Variants in PARD3 observed in about 807,000 individuals in gnomAD.
The protein encoded by PARD3 is par-3 family cell polarity regulator, also known as partitioning defective 3 homolog.
A neutral mutation model predicts 155.4 loss-of-function variants in PARD3; 75 were observed. The ratio of observed to expected loss-of-function variants is 0.48; its 90% CI spans 0.40 to 0.58. PARD3 has a LOEUF of 0.58. Among genes scored for constraint, PARD3 ranks in the 20% least tolerant of loss-of-function variants. The pLI, the probability that PARD3 is intolerant of heterozygous loss-of-function variation, is 0.00. For missense variants in PARD3, 1,642 were observed against 1,721.7 expected (o/e 0.95, Z 0.82); for synonymous variants, 576 against 610.5 (o/e 0.94, Z 0.83).
chr10:34,320,009 A>G (rs918221314), intron 19 of PARD3, among the ~76,000 whole-genome samples: 10 of 152,144 alleles, frequency 6.6e-5, no homozygotes, highest in Non-Finnish European at 1.0e-4. Flanking sequence ...TATTTGTACA[A>G]TCTTTTATTA....
In PARD3 at chr10:34,337,342, C is replaced by G. The variant is rs770189263; in HGVS notation, c.2493G>C (p.Lys831Asn). The change falls in exon 17 of 25, where the codon AAG becomes AAC. Residue 831 changes from lysine (K) to asparagine (N), a missense_variant. Transcript: ENST00000374788. ...GRQSMSEKRTKQFSDASQLDF... is the reference protein window; with the variant it reads ...GRQSMSEKRTNQFSDASQLDF... ...CCAATTGACTGGCATCTGAAAATTG[C>G]TTTGTGCGTTTTTCTGACATACTCT... The G allele has an allele frequency of 6.2e-7, 1 of 1,602,212 alleles. No individual in the cohort carries two copies. Among genetic ancestry groups the G allele is most frequent in the African/African-American group, 1.3e-5 (1 of 74,222 alleles).
intron 2 of PARD3, among the ~76,000 whole-genome samples, chr10:34,567,210 C>G (rs1389803383): frequency 6.6e-6 from 1 of 152,134 alleles, no homozygotes; most frequent in Non-Finnish European, 1.5e-5. Context: ...GAAAATGATA[C>G]TGAACAAAGT....
intron 3 of PARD3, among the ~76,000 whole-genome samples, chr10:34,504,208 C>A (rs1454701086): frequency 2.0e-5 from 3 of 151,938 alleles, no homozygotes; most frequent in Non-Finnish European, 4.4e-5. Flanking sequence ...CAGCTCACTG[C>A]AGCCCGAACT....
chr10:34,498,206 A>G (rs2080421664), intron 3 of PARD3, among the ~76,000 whole-genome samples: 1 of 152,234 alleles, frequency 6.6e-6, no homozygotes, highest in African/African-American at 2.4e-5. Flanking sequence ...TATAAGAAGC[A>G]GTCAGATGTA....
At position 34,517,031 on chromosome 10, in the gene PARD3, C is replaced by G; in HGVS notation, c.351G>C (p.Gln117His). 1 of 1,614,188 alleles carries G rather than the reference C, an allele frequency of 6.2e-7. No individual in the cohort carries two copies. Among genetic ancestry groups the G allele is most frequent in the African/African-American group, 1.3e-5 (1 of 75,066 alleles). ...ELGTNNVSAFQPYQATSEIEV... is the reference protein window; with the variant it reads ...ELGTNNVSAFHPYQATSEIEV... The stretch of plus-strand genomic sequence containing the variant: ...CAATTTCACTTGTTGCTTGGTAAGG[C>G]TGAAAGGCTGAGACATTGTTGGTGC... The change falls in exon 3 of 25, where the codon CAG becomes CAC. Residue 117 changes from glutamine (Q) to histidine (H), a missense_variant. Transcript: ENST00000374788.
chr10:34,281,744 T>TG (rs1201942330), intron 21 of PARD3, among the ~76,000 whole-genome samples: 2 of 152,172 alleles, frequency 1.3e-5, no homozygotes, highest in Non-Finnish European at 2.9e-5. Flanking sequence ...ATTTATATCT[T>TG]GAGCAATATT....
intron 1 of PARD3, among the ~76,000 whole-genome samples, chr10:34,805,128 C>T (rs1261739037): frequency 6.6e-6 from 1 of 152,162 alleles, no homozygotes; most frequent in Non-Finnish European, 1.5e-5. Flanking sequence ...AAGGCTGAGG[C>T]GGGCGGATCA....
chr10:34,504,425 A>G (rs572910399), intron 3 of PARD3, among the ~76,000 whole-genome samples: 18 of 123,338 alleles, frequency 1.5e-4, no homozygotes, highest in African/African-American at 7.2e-4. Context: ...CTTGTCCCCA[A>G]GATTAAAAAA....
chr10:34,379,735 A>T (rs1841633443), intron 9 of PARD3, among the ~76,000 whole-genome samples: 1 of 152,108 alleles, frequency 6.6e-6, no homozygotes, highest in African/African-American at 2.4e-5. Context: ...TTCTGCACTG[A>T]CTGAAACAGA....
chr10:34,788,872 G>C (rs1445219038), intron 1 of PARD3, among the ~76,000 whole-genome samples: 2 of 152,144 alleles, frequency 1.3e-5, no homozygotes, highest in Admixed American at 6.5e-5. Context: ...CAGAGGCAGA[G>C]AGCACTCTCC....
At chr10:34,140,584 CTCTA>C in intron 22 of PARD3, among the ~76,000 whole-genome samples, 1 of 152,180 alleles carries the variant, frequency 6.6e-6, no homozygotes, top group Non-Finnish European at 1.5e-5. Flanking sequence ...TTCACTATGG[CTCTA>C]TCTCTCAGGC....
At chr10:34,181,643 T>C (rs1250522595) in intron 22 of PARD3, among the ~76,000 whole-genome samples, 1 of 152,106 alleles carries the variant, frequency 6.6e-6, no homozygotes, top group African/African-American at 2.4e-5. Flanking sequence ...CCTCTGAAAT[T>C]AGTTAACACT....
At chr10:34,724,760 T>G (rs2094670375) in intron 1 of PARD3, among the ~76,000 whole-genome samples, 1 of 152,224 alleles carries the variant, frequency 6.6e-6, no homozygotes, top group East Asian at 1.9e-4. Context: ...TCAAGTCAGC[T>G]GGGCTGTGCT....
chr10:34,718,835 G>A (rs1409374327), intron 1 of PARD3, among the ~76,000 whole-genome samples: 1 of 151,944 alleles, frequency 6.6e-6, no homozygotes, highest in African/African-American at 2.4e-5. Flanking sequence ...GTGGTGGCAG[G>A]TGCCTTAATC....
intron 1 of PARD3, among the ~76,000 whole-genome samples, chr10:34,726,143 C>T (rs1365341566): frequency 1.3e-5 from 2 of 152,150 alleles, no homozygotes; most frequent in Non-Finnish European, 2.9e-5. Flanking sequence ...TAGAACAAAT[C>T]GAGTTCATGT....
chr10:34,473,530 T>TAA (rs5784420), intron 3 of PARD3, among the ~76,000 whole-genome samples: 3 of 146,016 alleles, frequency 2.1e-5, no homozygotes, highest in South Asian at 4.4e-4. Flanking sequence ...CTACAAAAAA[T>TAA]AAAAAAAAAA....
chr10:34,773,776 G>A (rs571432929), intron 1 of PARD3, among the ~76,000 whole-genome samples: 28 of 152,218 alleles, frequency 1.8e-4, no homozygotes, highest in African/African-American at 6.0e-4. Context: ...GGTCCTTTGG[G>A]CAAACATCCA....
intron 22 of PARD3, among the ~76,000 whole-genome samples, chr10:34,259,285 T>C (rs147761296): frequency 9.6e-5 from 14 of 146,354 alleles, no homozygotes; most frequent in African/African-American, 3.1e-4. Flanking sequence ...TATTATATTA[T>C]AGTTCTGGGG....
At chr10:34,144,580 T>C (rs751367459) in intron 22 of PARD3, among the ~76,000 whole-genome samples, 4 of 152,206 alleles carry the variant, frequency 2.6e-5, no homozygotes. Context: ...TCTAACCAAA[T>C]TCCTCTGGTA....
Sources: allele counts gnomAD v4.1 joint callset (sites outside exome capture counted in the v4.1 genomes callset), GRCh38; gene constraint gnomAD v4.1.1; transcripts MANE v1.5; gene names NCBI Gene and HGNC (gene_info 2026-07-23, HGNC 2026-07-21).